CAMK4: variants seen among roughly 807,000 people sequenced by gnomAD.
CAMK4 encodes the protein calcium/calmodulin-dependent protein kinase type IV.
A neutral mutation model predicts 44.9 loss-of-function variants in CAMK4; 22 were observed. That is an observed-to-expected ratio of 0.49 (90% CI 0.35 to 0.70). The LOEUF (loss-of-function observed/expected upper bound fraction) is 0.70, where lower values mean the gene tolerates loss of function less well. Ranked by LOEUF, CAMK4 falls within the 30% of genes least tolerant of loss-of-function variation. The pLI is 0.01. For synonymous variants in CAMK4, 218 were observed against 215.4 expected, an observed-to-expected ratio of 1.01 and a Z score of -0.11; for missense variants, 498 against 586.8, an observed-to-expected ratio of 0.85 and a Z score of 1.56.
intron 4 of CAMK4, among the ~76,000 whole-genome samples, chr5:111,381,734 AT>A (rs202163826): frequency 5.9e-5 from 9 of 151,998 alleles, no homozygotes; most frequent in Non-Finnish European, 1.0e-4. Flanking sequence ...GTTCAAATAG[AT>A]TTTTTTTATT....
At chr5:111,435,160 A>G (rs547938950) in intron 5 of CAMK4, among the ~76,000 whole-genome samples, 1 of 152,300 alleles carries the variant, frequency 6.6e-6, no homozygotes, top group South Asian at 2.1e-4. Flanking sequence ...TAAAGACTAA[A>G]TGGTAAGGTA....
At position 111,493,582 on chromosome 5, in the gene CAMK4, G is replaced by A. The variant is rs1377896632; in HGVS notation, c.*9116G>A. 1 of 152,198 alleles carries A rather than the reference G, an allele frequency of 6.6e-6. No homozygotes were observed. Among genetic ancestry groups the A allele is most frequent in the African/African-American group, 2.4e-5 (1 of 41,452 alleles). The allele number at this position is 152,198 out of a possible 1,614,324, so 9.4% of individuals were successfully genotyped here. Reference sequence around the variant, plus strand: ...AAGTTTAGATTTTAAAAGACAACCTGTAGGAAGCTAAGTCTCAGGCAACAA... The same window carrying A: ...AAGTTTAGATTTTAAAAGACAACCTATAGGAAGCTAAGTCTCAGGCAACAA... On this transcript the variant is annotated 3_prime_UTR_variant, in exon 11 of 11. Coordinates refer to ENST00000282356, the MANE Select transcript of CAMK4 (RefSeq NM_001744.6). The surrounding 1 kb of genome is among the most constrained non-coding windows in gnomAD (Gnocchi z 4.1).
intron 1 of CAMK4, among the ~76,000 whole-genome samples, chr5:111,287,424 C>T (rs1018121518): frequency 2.0e-5 from 3 of 152,150 alleles, no homozygotes; most frequent in African/African-American, 7.2e-5. Context: ...AAAGAAAATG[C>T]AACTCTCATA....
chr5:111,384,130 AGGAACTGGT>A (rs1188379544), intron 4 of CAMK4, among the ~76,000 whole-genome samples: 1 of 152,174 alleles, frequency 6.6e-6, no homozygotes. Context: ...CACTTGAAGA[AGGAACTGGT>A]GAAGATTTTA....
At position 111,410,525 on chromosome 5, in the gene CAMK4, T is replaced by C. The variant is rs1487028128; in HGVS notation, c.459+15743T>C. On this transcript the variant is annotated intron_variant, in intron 5 of 10. Transcript: ENST00000282356. ...TAACACTACTGTATGTCTGTGTTAT[T>C]CTTTCATTGATTGTTTATTGGAGGA... Among the ~76,000 whole-genome samples, 3 of 152,190 alleles carry C rather than the reference T, an allele frequency of 2.0e-5. No homozygotes were observed. In the East Asian group the frequency reaches 5.8e-4, roughly 29 times the overall value.
chr5:111,342,683 ATTATT>A (rs938066974), intron 1 of CAMK4, among the ~76,000 whole-genome samples: 2 of 151,404 alleles, frequency 1.3e-5, no homozygotes, highest in African/African-American at 4.8e-5. Flanking sequence ...TTTTAAATCT[ATTATT>A]TTGTTTTTGC....
intron 1 of CAMK4, among the ~76,000 whole-genome samples, chr5:111,252,497 A>G (rs987381145): frequency 6.6e-6 from 1 of 152,178 alleles, no homozygotes. Flanking sequence ...AAATTTAAAC[A>G]TACTTTTGGG....
chr5:111,363,235 G>A (rs931391399), intron 2 of CAMK4, among the ~76,000 whole-genome samples: 1 of 152,008 alleles, frequency 6.6e-6, no homozygotes, highest in Non-Finnish European at 1.5e-5. Context: ...CACTCCACTG[G>A]TGTCAATAAC....
At chr5:111,339,739 A>T (rs1475566190) in intron 1 of CAMK4, among the ~76,000 whole-genome samples, 1 of 150,444 alleles carries the variant, frequency 6.6e-6, no homozygotes, top group Non-Finnish European at 1.5e-5. Flanking sequence ...GAATTTCGGA[A>T]TTTTTTTTTA....
intron 5 of CAMK4, among the ~76,000 whole-genome samples, chr5:111,413,940 A>C (rs867202552): frequency 9.2e-5 from 14 of 152,006 alleles, no homozygotes; most frequent in South Asian, 2.1e-4. Flanking sequence ...ATAAATTAGA[A>C]ATTTAAATAT....
intron 1 of CAMK4, among the ~76,000 whole-genome samples, chr5:111,241,473 A>G (rs140058571): frequency 1.3e-5 from 2 of 152,168 alleles, no homozygotes; most frequent in Non-Finnish European, 2.9e-5. Context: ...TGACATCTCT[A>G]TGGATGTCAA....
At chr5:111,258,701 A>G (rs1048322682) in intron 1 of CAMK4, among the ~76,000 whole-genome samples, 35 of 151,708 alleles carry the variant, frequency 2.3e-4, no homozygotes, top group Admixed American at 1.3e-4. Context: ...GTGGGGACAC[A>G]GCCAAATCAT....
chr5:111,314,250 G>T (rs1484777474), intron 1 of CAMK4, among the ~76,000 whole-genome samples: 3 of 151,942 alleles, frequency 2.0e-5, no homozygotes, highest in Non-Finnish European at 4.4e-5. Context: ...GGTGGTCTTG[G>T]AACTACTTAT....
chr5:111,423,545 C>T (rs1451635021), intron 5 of CAMK4, among the ~76,000 whole-genome samples: 1 of 152,210 alleles, frequency 6.6e-6, no homozygotes, highest in Non-Finnish European at 1.5e-5. Context: ...CCAGAACCTT[C>T]TACCTCTTGC....
chr5:111,273,370 G>A (rs1750595616), intron 1 of CAMK4, among the ~76,000 whole-genome samples: 1 of 151,672 alleles, frequency 6.6e-6, no homozygotes, highest in African/African-American at 2.4e-5. Flanking sequence ...ATCTTTTTGG[G>A]TAATTATACT....
At chr5:111,234,860 G>T (rs1748642346) in intron 1 of CAMK4, among the ~76,000 whole-genome samples, 1 of 152,218 alleles carries the variant, frequency 6.6e-6, no homozygotes, top group Non-Finnish European at 1.5e-5. Context: ...CAAGTTTGTA[G>T]TAGCATGCTT....
chr5:111,486,468 A>G lies in CAMK4; in HGVS notation c.*2002A>G, dbSNP rs975927367. On this transcript the variant is annotated 3_prime_UTR_variant, in exon 11 of 11. Coordinates refer to ENST00000282356, the MANE Select transcript of CAMK4 (RefSeq NM_001744.6). ...TTAAGATTTCCATTTAAGAGGATCA[A>G]TTTCCTGTTGTACTTTTTACCATGA... 1 of 149,144 alleles carries G rather than the reference A, an allele frequency of 6.7e-6. No homozygotes were observed. Among genetic ancestry groups the G allele is most frequent in the South Asian group, 2.1e-4 (1 of 4,672 alleles). The allele number at this position is 149,144 out of a possible 1,614,324, so 9.2% of individuals were successfully genotyped here.
rs568971432 is a variant in CAMK4, at chr5:111,274,302, A to G, written c.161+49658A>G. ...ACTTGTTTTATTTTTCTTTATATTT[A>G]TCACTACCTGACATGTAATAGATTT... On this transcript the variant is annotated intron_variant, in intron 1 of 10. Transcript: ENST00000282356. 3.3e-5 allele frequency among the ~76,000 whole-genome samples: 5 copies of G among 152,094 alleles called. No homozygotes were observed. The South Asian group carries it at 1.0e-3, about 32-fold the overall frequency.
Position 111,490,944 on chromosome 5 carries a change from G to C in CAMK4, c.*6478G>C, listed in dbSNP as rs1244728848. 1.3e-5 allele frequency: 2 copies of C among 152,184 alleles called. No individual in the cohort carries two copies. Among genetic ancestry groups the C allele is most frequent in the Non-Finnish European group, 2.9e-5 (2 of 68,036 alleles). 9.4% of individuals were successfully genotyped at this position (152,184 alleles called of 1,614,324 possible). ...GAGTTTAGTGAGTGGGTACAGCTGA[G>C]TTGGGGTTTAGGTGATTTCTTATGC... On this transcript the variant is annotated 3_prime_UTR_variant, in exon 11 of 11. Transcript: ENST00000282356.
Sources: allele counts gnomAD v4.1 joint callset (sites outside exome capture counted in the v4.1 genomes callset), GRCh38; gene constraint gnomAD v4.1.1; non-coding constraint Gnocchi (gnomAD v3.1); transcripts MANE v1.5; gene names NCBI Gene and HGNC (gene_info 2026-07-23, HGNC 2026-07-21).